Variants in GTF2E1 observed in about 807,000 individuals in gnomAD.
The protein encoded by GTF2E1 is TFIIE alpha subunit.
In GTF2E1, 14 loss-of-function variants were observed where a neutral mutation model predicts 34.9. The observed-to-expected ratio is 0.40, with a 90% CI of 0.27 to 0.63. The LOEUF (loss-of-function observed/expected upper bound fraction) is 0.63. Ranked by LOEUF, GTF2E1 falls within the 20% of genes least tolerant of loss-of-function variation. GTF2E1 has a pLI of 0.39. For synonymous variants in GTF2E1, 188 were observed against 192.9 expected, an observed-to-expected ratio of 0.97 and a Z score of 0.21; for missense variants, 469 against 557.7, an observed-to-expected ratio of 0.84 and a Z score of 1.60.
chr3:120,763,623 G>GT (rs1709283285), intron 2 of GTF2E1, among the ~76,000 whole-genome samples: 1 of 152,114 alleles, frequency 6.6e-6, no homozygotes, highest in East Asian at 1.9e-4. Context: ...AATGTCTTTT[G>GT]TTTTTTTCTT....
chr3:120,750,696 G>A lies in GTF2E1; in HGVS notation c.144G>A (p.Met48Ile), dbSNP rs762354574. 5 of 1,613,950 alleles carry A rather than the reference G, an allele frequency of 3.1e-6. No homozygotes were observed. In the Admixed American group the frequency reaches 6.7e-5, roughly 22 times the overall value. Residue 48 changes from methionine to isoleucine, a missense_variant, in exon 2 of 5, where the codon ATG becomes ATA. Met to Ile is a conservative substitution (Grantham distance 10). Transcript: ENST00000283875. ...ACTCCTGTGTGAAAGAGGAGGATAT[G>A]CTGGAGCTGCTCAAGTTTGATCGGA... ...IRNSCVKEED[M>I]LELLKFDRKQ...
At chr3:120,751,248 A>G (rs913383108) in intron 2 of GTF2E1, among the ~76,000 whole-genome samples, 1 of 151,850 alleles carries the variant, frequency 6.6e-6, no homozygotes. Flanking sequence ...TGCCCACCCC[A>G]CCTTGTTTAC....
intron 2 of GTF2E1, among the ~76,000 whole-genome samples, chr3:120,761,972 A>T (rs1320353371): frequency 6.6e-6 from 1 of 151,840 alleles, no homozygotes; most frequent in Non-Finnish European, 1.5e-5. Context: ...TTGTATTTTT[A>T]GTAGAGACGG....
rs1488679185 is a variant in GTF2E1, at chr3:120,782,127, TTA to T, written c.*659_*660del. The T allele has an allele frequency of 6.6e-6, 1 of 152,248 alleles. No homozygotes were observed. Among genetic ancestry groups the T allele is most frequent in the Non-Finnish European group, 1.5e-5 (1 of 68,066 alleles). 9.4% of individuals were successfully genotyped at this position (152,248 alleles called of 1,614,324 possible). On this transcript the variant is annotated 3_prime_UTR_variant, in exon 5 of 5. Coordinates refer to ENST00000283875, the MANE Select transcript of GTF2E1 (RefSeq NM_005513.3). Reference sequence around the variant, plus strand: ...CAATAATTCACTGATCACATCCATTTTATCTGTTCTAGCCAGGCATTCCAAAC... The same window carrying T: ...CAATAATTCACTGATCACATCCATTTTCTGTTCTAGCCAGGCATTCCAAAC...
At chr3:120,762,059 G>C (rs185352473) in intron 2 of GTF2E1, among the ~76,000 whole-genome samples, 2 of 152,184 alleles carry the variant, frequency 1.3e-5, no homozygotes, top group African/African-American at 4.8e-5. Flanking sequence ...CAAAGTGCTG[G>C]GATTACAGGC....
At chr3:120,749,944 T>A (rs1356017947) in intron 1 of GTF2E1, 3 of 152,278 alleles carry the variant, frequency 2.0e-5, no homozygotes, top group Admixed American at 2.0e-4. Context: ...CAGATTCAAT[T>A]TTTCAAGGTT....
rs1490982865 is a variant in GTF2E1 at position 120,750,755 on chromosome 3, G to A, written c.203G>A (p.Gly68Glu). The A allele has an allele frequency of 2.5e-6, 4 of 1,614,000 alleles. No individual in the cohort carries two copies. Among genetic ancestry groups the A allele is most frequent in the Non-Finnish European group, 2.5e-6 (3 of 1,179,916 alleles). ...QLRSVLNNLK[G>E]DKFIKCRMRV... ...CGATCAGTTTTGAATAATTTAAAGG[G>A]AGACAAGTTTATCAAATGCAGAATG... The change falls in exon 2 of 5, where the codon GGA (glycine) becomes GAA (glutamate). Residue 68 changes from glycine (G) to glutamate (E), a missense_variant. Gly to Glu is a moderately conservative substitution (Grantham distance 98). Transcript: ENST00000283875.
chr3:120,758,400 G>A (rs757084330), intron 2 of GTF2E1, among the ~76,000 whole-genome samples: 8 of 151,916 alleles, frequency 5.3e-5, no homozygotes, highest in Non-Finnish European at 8.8e-5. Context: ...AATGTAAAGT[G>A]ATTCTTTTTT....
intron 2 of GTF2E1, among the ~76,000 whole-genome samples, chr3:120,768,323 G>A (rs969857450): frequency 2.6e-5 from 4 of 152,152 alleles, no homozygotes; most frequent in Admixed American, 1.3e-4. Flanking sequence ...AGGCATCTGG[G>A]TAGAGGGCAC....
intron 3 of GTF2E1, 53 bp from the exon 4 acceptor site, chr3:120,776,370 C>A: frequency 6.5e-7 from 1 of 1,543,222 alleles, no homozygotes. Flanking sequence ...TCTTTTCCAA[C>A]ACCAAGACAT....
At chr3:120,751,381 T>G (rs1709163745) in intron 2 of GTF2E1, among the ~76,000 whole-genome samples, 1 of 152,144 alleles carries the variant, frequency 6.6e-6, no homozygotes, top group Non-Finnish European at 1.5e-5. Flanking sequence ...AAGTAGAAAG[T>G]GGTATCAGGA....
chr3:120,747,142 T>G (rs1360483904), intron 1 of GTF2E1, among the ~76,000 whole-genome samples: 3 of 151,920 alleles, frequency 2.0e-5, no homozygotes, highest in Non-Finnish European at 4.4e-5. Flanking sequence ...TCGCTCTTGT[T>G]GCCCAGGCTG....
At chr3:120,766,044 G>T (rs1244408464) in intron 2 of GTF2E1, among the ~76,000 whole-genome samples, 3 of 152,168 alleles carry the variant, frequency 2.0e-5, no homozygotes, top group Non-Finnish European at 4.4e-5. Context: ...TTCTTGAGTA[G>T]TATAGTCTAT....
At chr3:120,746,775 A>G (rs1466960) in intron 1 of GTF2E1, among the ~76,000 whole-genome samples, 119,408 of 152,122 alleles carry the variant, frequency 0.78, 47,893 homozygotes, top group East Asian at 0.99. Flanking sequence ...TCTAGTCTGG[A>G]CAACAGAGCA....
chr3:120,762,912 G>C (rs1709276697), intron 2 of GTF2E1, among the ~76,000 whole-genome samples: 1 of 152,120 alleles, frequency 6.6e-6, no homozygotes, highest in Non-Finnish European at 1.5e-5. Context: ...AAGCTTGGGG[G>C]TTTTATCACT....
chr3:120,777,047 A>G (rs1004837881), intron 4 of GTF2E1, among the ~76,000 whole-genome samples: 14 of 152,154 alleles, frequency 9.2e-5, no homozygotes, highest in Admixed American at 8.5e-4. Flanking sequence ...ACGCTACCCC[A>G]AACTTTATGT....
intron 3 of GTF2E1, among the ~76,000 whole-genome samples, chr3:120,774,186 C>G (rs757913224): frequency 2.6e-5 from 4 of 152,022 alleles, no homozygotes; most frequent in Non-Finnish European, 5.9e-5. Context: ...TTAGCTAACT[C>G]AGGGAGAAAC....
chr3:120,747,166 T>C (rs1366642752), intron 1 of GTF2E1, among the ~76,000 whole-genome samples: 4 of 151,692 alleles, frequency 2.6e-5, no homozygotes, highest in African/African-American at 9.7e-5. Context: ...TGCAATGGTG[T>C]AATCTTGGCT....
At chr3:120,768,610 T>C (rs2107611044) in intron 2 of GTF2E1, among the ~76,000 whole-genome samples, 1 of 152,338 alleles carries the variant, frequency 6.6e-6, no homozygotes, top group Non-Finnish European at 1.5e-5. Flanking sequence ...ACAGTCTCTG[T>C]AGGTGCTTAT....
Sources: allele counts gnomAD v4.1 joint callset (sites outside exome capture counted in the v4.1 genomes callset), GRCh38; gene constraint gnomAD v4.1.1; transcripts MANE v1.5; gene names NCBI Gene and HGNC (gene_info 2026-07-23, HGNC 2026-07-21).